The following KIAA1217 variants were observed in gnomAD, a reference collection of about 807,000 sequenced individuals.
The protein encoded by KIAA1217 is KIAA1217.
In KIAA1217, 88 loss-of-function variants were observed where a neutral mutation model predicts 163.9. The observed-to-expected ratio is 0.54, with a 90% CI of 0.45 to 0.64. The LOEUF is 0.64. Ranked by LOEUF, KIAA1217 falls within the 30% of genes least tolerant of loss-of-function variation. The pLI is 0.00. For missense variants in KIAA1217, 2,372 were observed against 2,475.0 expected, an observed-to-expected ratio of 0.96 and a Z score of 0.88; for synonymous variants, 903 against 923.1, an observed-to-expected ratio of 0.98 and a Z score of 0.39.
intron 2 of KIAA1217, among the ~76,000 whole-genome samples, chr10:24,092,813 C>A (rs1425219843): frequency 2.0e-5 from 3 of 151,574 alleles, no homozygotes; most frequent in Non-Finnish European, 4.4e-5. Context: ...TGTTTTGTAT[C>A]ATGGCTGTGA....
chr10:23,972,777 A>G (rs562976978), intron 1 of KIAA1217, among the ~76,000 whole-genome samples: 165 of 152,020 alleles, frequency 1.1e-3, no homozygotes, highest in Admixed American at 1.8e-3. Flanking sequence ...CTATGTAGCC[A>G]TGAAAAGGAA....
At chr10:23,766,304 A>G (rs1471836416) in intron 1 of KIAA1217, among the ~76,000 whole-genome samples, 2 of 152,204 alleles carry the variant, frequency 1.3e-5, no homozygotes, top group Non-Finnish European at 2.9e-5. Context: ...AATAGCTTTT[A>G]TTTATGGCAA....
chr10:24,134,399 G>C (rs560977693), intron 2 of KIAA1217, among the ~76,000 whole-genome samples: 4 of 152,286 alleles, frequency 2.6e-5, no homozygotes, highest in Non-Finnish European at 5.9e-5. Flanking sequence ...CTTCCAGCTT[G>C]GGCAAAAGCA....
chr10:24,469,536 A>C lies in KIAA1217; in HGVS notation c.847-3692A>C, dbSNP rs557030968. Among the ~76,000 whole-genome samples the C allele has an allele frequency of 2.6e-5, 4 of 152,286 alleles. No individual in the cohort carries two copies. The East Asian group carries it at 7.7e-4, about 29-fold the overall frequency. On this transcript the variant is annotated intron_variant, in intron 5 of 20. Transcript: ENST00000376454. ...AGATGTACTCTGAAGGTGGCTAAGG[A>C]AGGAAAAGAGAACAGGGAATAGTGA...
At chr10:24,311,830 G>A (rs561941997) in intron 2 of KIAA1217, among the ~76,000 whole-genome samples, 11 of 152,270 alleles carry the variant, frequency 7.2e-5, no homozygotes, top group African/African-American at 2.4e-4. Context: ...ATAGGAAGGG[G>A]CTTCTTGTAG....
At chr10:24,348,916 G>A (rs1047985856) in intron 2 of KIAA1217, among the ~76,000 whole-genome samples, 24 of 152,256 alleles carry the variant, frequency 1.6e-4, no homozygotes, top group Admixed American at 1.1e-3. Flanking sequence ...GGAAGCCAAG[G>A]TAGGAAGATC....
chr10:23,776,959 C>T (rs1369684097), intron 1 of KIAA1217, among the ~76,000 whole-genome samples: 1 of 151,740 alleles, frequency 6.6e-6, no homozygotes. Context: ...GCTGGGATTA[C>T]AGGCATGAGC....
chr10:24,243,889 C>T (rs1433895573), intron 2 of KIAA1217, among the ~76,000 whole-genome samples: 5 of 152,144 alleles, frequency 3.3e-5, no homozygotes, highest in Admixed American at 1.3e-4. Flanking sequence ...ATTGTCGTAG[C>T]GTTCAGAGAT....
rs1588614240 is a variant in KIAA1217 at position 23,695,976 on chromosome 10, G to T, written c.-321+742G>T. Among the ~76,000 whole-genome samples the T allele has an allele frequency of 6.6e-6, 1 of 152,134 alleles. No homozygotes were observed. The highest frequency in any genetic ancestry group is 1.5e-5 in the Non-Finnish European group (1 of 68,014). ...GGCCTTCCGGCTGGCTGCCCTCCCC[G>T]CTCGCCGCTCTCCCCGCGCCGCTGC... On this transcript the variant is annotated intron_variant, in intron 1 of 18. Transcript: ENST00000376462. This position sits in a 1 kb window ranked among gnomAD's most constrained non-coding sequence, Gnocchi z 4.9.
chr10:24,542,459 T>C, intron 17 of KIAA1217: 1 of 1,368,452 alleles, frequency 7.3e-7, no homozygotes, highest in African/African-American at 1.5e-5. Context: ...AAATTTTAAA[T>C]TCTTGAAATC....
chr10:24,100,310 A>T (rs2062360240), intron 2 of KIAA1217, among the ~76,000 whole-genome samples: 1 of 152,242 alleles, frequency 6.6e-6, no homozygotes, highest in Non-Finnish European at 1.5e-5. Context: ...CTGTGCAGAC[A>T]GCGACCCATT....
intron 2 of KIAA1217, among the ~76,000 whole-genome samples, chr10:24,194,293 C>T (rs1376724772): frequency 7.7e-6 from 1 of 130,250 alleles, no homozygotes; most frequent in Non-Finnish European, 1.7e-5. Flanking sequence ...TCTCCCCTCC[C>T]CTCCTCTCCC....
chr10:24,084,750 A>G (rs1037439960), intron 2 of KIAA1217, among the ~76,000 whole-genome samples: 5 of 152,072 alleles, frequency 3.3e-5, no homozygotes, highest in Non-Finnish European at 5.9e-5. Context: ...AGGAGCAAAA[A>G]GTAATTGAGA....
chr10:24,168,699 G>A (rs2065474235), intron 2 of KIAA1217, among the ~76,000 whole-genome samples: 1 of 152,224 alleles, frequency 6.6e-6, no homozygotes, highest in Non-Finnish European at 1.5e-5. Context: ...GGCTGTCCCT[G>A]TTTCCTCTGT....
At chr10:23,802,755 G>A (rs1253229650) in intron 1 of KIAA1217, among the ~76,000 whole-genome samples, 1 of 152,204 alleles carries the variant, frequency 6.6e-6, no homozygotes, top group Non-Finnish European at 1.5e-5. Flanking sequence ...CACTTAAAAA[G>A]AGGTAGGACA....
Position 24,494,489 on chromosome 10 carries a change from T to C in KIAA1217, c.1680-11T>C. On this transcript the variant is annotated splice_polypyrimidine_tract_variant and intron_variant, in intron 6 of 20. Transcript: ENST00000376454. ...CATAAAGCTTTAACAAACAATTCTC[T>C]TGTTTTACAGAGAGAGGATGCAAGC... is the stretch of plus-strand genomic sequence containing the variant. 6.2e-7 allele frequency: 1 copy of C among 1,605,442 alleles called. No individual in the cohort carries two copies. The highest frequency in any genetic ancestry group is 1.7e-4 in the Middle Eastern group (1 of 6,044).
chr10:24,284,891 C>T (rs999977227), intron 2 of KIAA1217, among the ~76,000 whole-genome samples: 3 of 152,158 alleles, frequency 2.0e-5, no homozygotes, highest in African/African-American at 4.8e-5. Context: ...TCCACAGCTT[C>T]GCCAACTTGT....
At chr10:24,261,451 G>A (rs1417340050) in intron 2 of KIAA1217, among the ~76,000 whole-genome samples, 2 of 148,234 alleles carry the variant, frequency 1.3e-5, no homozygotes, top group Non-Finnish European at 3.0e-5. Context: ...AGCCGAGATT[G>A]CACCACTGCA....
intron 17 of KIAA1217, chr10:24,542,459 T>G (rs1248501978): frequency 7.3e-7 from 1 of 1,368,334 alleles, no homozygotes; most frequent in African/African-American, 1.5e-5. Flanking sequence ...AAATTTTAAA[T>G]TCTTGAAATC....
Sources: allele counts gnomAD v4.1 joint callset (sites outside exome capture counted in the v4.1 genomes callset), GRCh38; gene constraint gnomAD v4.1.1; non-coding constraint Gnocchi (gnomAD v3.1); transcripts MANE v1.5; gene names NCBI Gene and HGNC (gene_info 2026-07-23, HGNC 2026-07-21).